Variants in CNTN6 observed in about 807,000 individuals in gnomAD.
CNTN6 encodes the protein contactin 6.
A neutral mutation model predicts 122.8 loss-of-function variants in CNTN6; 137 were observed. That is an observed-to-expected ratio of 1.12 (90% confidence interval 0.97 to 1.29). The LOEUF (loss-of-function observed/expected upper bound fraction) is 1.29, where lower values mean the gene tolerates loss of function less well. Among genes scored for constraint, CNTN6 ranks in the 50% most tolerant of loss-of-function variants. The pLI, the probability that CNTN6 is intolerant of heterozygous loss-of-function variation, is 0.00. For missense variants in CNTN6, 1,634 were observed against 1,223.4 expected, an observed-to-expected ratio of 1.34 and a Z score of -5.01; for synonymous variants, 570 against 426.0, an observed-to-expected ratio of 1.34 and a Z score of -4.16.
intron 20 of CNTN6, among the ~76,000 whole-genome samples, chr3:1,393,762 T>C (rs567159078): frequency 1.3e-5 from 2 of 151,992 alleles, no homozygotes; most frequent in South Asian, 4.1e-4. Flanking sequence ...CAGTTTAAGG[T>C]GGATTGAAAC....
chr3:1,292,810 G>C (rs542659081), intron 5 of CNTN6, among the ~76,000 whole-genome samples: 1 of 152,050 alleles, frequency 6.6e-6, no homozygotes, highest in Non-Finnish European at 1.5e-5. Flanking sequence ...TACAAAGAGA[G>C]TAAAAGCCTT....
At chr3:1,315,620 A>T (rs1699990964) in intron 7 of CNTN6, among the ~76,000 whole-genome samples, 1 of 152,128 alleles carries the variant, frequency 6.6e-6, no homozygotes. Context: ...ATATTATTTT[A>T]AAATATCTAA....
chr3:1,299,169 T>C (rs1403500461), intron 7 of CNTN6, among the ~76,000 whole-genome samples: 1 of 152,152 alleles, frequency 6.6e-6, no homozygotes, highest in Non-Finnish European at 1.5e-5. Flanking sequence ...AAATAAATAA[T>C]TATTGATTGA....
chr3:1,296,655 G>C (rs560847493), intron 6 of CNTN6, among the ~76,000 whole-genome samples: 26 of 152,212 alleles, frequency 1.7e-4, no homozygotes, highest in African/African-American at 5.5e-4. Context: ...TGTGGAACAA[G>C]TCCCATAGAA....
At chr3:1,365,676 ACTT>A (rs1349553222) in intron 12 of CNTN6, among the ~76,000 whole-genome samples, 1 of 152,072 alleles carries the variant, frequency 6.6e-6, no homozygotes, top group Non-Finnish European at 1.5e-5. Flanking sequence ...AAATAAATAA[ACTT>A]ACTTTTAATG....
At chr3:1,386,164 A>AAAGTC (rs1448622118) in intron 20 of CNTN6, among the ~76,000 whole-genome samples, 1 of 152,184 alleles carries the variant, frequency 6.6e-6, no homozygotes, top group Non-Finnish European at 1.5e-5. Flanking sequence ...AAATGAGGAA[A>AAAGTC]AAGTCATATT....
intron 1 of CNTN6, among the ~76,000 whole-genome samples, chr3:1,128,973 T>C (rs1332052993): frequency 3.3e-5 from 5 of 152,052 alleles, no homozygotes; most frequent in Admixed American, 6.6e-5. Context: ...CAACTAGATA[T>C]ATGCCTTCTT....
intron 5 of CNTN6, among the ~76,000 whole-genome samples, chr3:1,281,595 G>A (rs528806618): frequency 6.6e-6 from 1 of 151,898 alleles, no homozygotes; most frequent in African/African-American, 2.4e-5. Flanking sequence ...TTCCCGAGTA[G>A]CTGGAACCAC....
chr3:1,315,573 G>T (rs1699983184), intron 7 of CNTN6, among the ~76,000 whole-genome samples: 1 of 151,974 alleles, frequency 6.6e-6, no homozygotes, highest in Admixed American at 6.6e-5. Flanking sequence ...CTGTCACAAT[G>T]CCTGGTACAT....
chr3:1,401,339 A>G (rs1373480925), intron 20 of CNTN6, 94 bp from the exon 21 acceptor site: 2 of 967,598 alleles, frequency 2.1e-6, no homozygotes, highest in East Asian at 2.6e-5. Flanking sequence ...TATGCAAATC[A>G]TCGAAGACTT....
At chr3:1,364,512 AAAAAC>A (rs953862448) in intron 12 of CNTN6, among the ~76,000 whole-genome samples, 2 of 151,772 alleles carry the variant, frequency 1.3e-5, no homozygotes, top group Non-Finnish European at 3.0e-5. Flanking sequence ...GAAGGAAAAA[AAAAAC>A]AAAACAAACA....
In CNTN6 at chr3:1,101,269, C is replaced by T. The variant is rs887931210; in HGVS notation, c.-83+8149C>T. On this transcript the variant is annotated intron_variant, in intron 1 of 22. Transcript: ENST00000446702. ...GGTCAGCTATGTAATGCAAAGGACC[C>T]CTTTTTGGGAGGTTATTCCAACTTT... 1.8e-4 allele frequency among the ~76,000 whole-genome samples: 27 copies of T among 152,140 alleles called. 1 individual carries two copies. The highest frequency in any genetic ancestry group is 9.7e-5 in the African/African-American group (4 of 41,430).
chr3:1,279,417 C>T (rs889292788), intron 5 of CNTN6, among the ~76,000 whole-genome samples: 6 of 152,226 alleles, frequency 3.9e-5, no homozygotes, highest in Non-Finnish European at 7.3e-5. Context: ...CAAGGACTTA[C>T]ACAGCACAGA....
intron 2 of CNTN6, among the ~76,000 whole-genome samples, chr3:1,179,481 C>G (rs2093515569): frequency 6.6e-6 from 1 of 152,094 alleles, no homozygotes; most frequent in Non-Finnish European, 1.5e-5. Flanking sequence ...CGAATTATGT[C>G]CTTAGGTTTC....
chr3:1,189,587 G>T (rs1374716129), intron 2 of CNTN6, among the ~76,000 whole-genome samples: 2 of 152,056 alleles, frequency 1.3e-5, no homozygotes, highest in Non-Finnish European at 2.9e-5. Context: ...AAATAATTTT[G>T]GACTGTTAGA....
intron 11 of CNTN6, among the ~76,000 whole-genome samples, chr3:1,348,824 C>G (rs547726360): frequency 6.6e-6 from 1 of 151,828 alleles, no homozygotes; most frequent in Non-Finnish European, 1.5e-5. Flanking sequence ...GGGGTGCAAA[C>G]AATACCTAGC....
chr3:1,101,525 GTCATCAAACTC>G (rs2124957684), intron 1 of CNTN6, among the ~76,000 whole-genome samples: 1 of 152,248 alleles, frequency 6.6e-6, no homozygotes, highest in South Asian at 2.1e-4. Flanking sequence ...CATTTAGAAA[GTCATCAAACTC>G]TCACTTGCTG....
chr3:1,200,630 G>A (rs770248518), intron 2 of CNTN6, among the ~76,000 whole-genome samples: 42 of 152,096 alleles, frequency 2.8e-4, no homozygotes, highest in Non-Finnish European at 8.8e-5. Flanking sequence ...ATAAATGCAA[G>A]CATGACATGC....
At chr3:1,244,836 T>C (rs1344097847) in intron 4 of CNTN6, among the ~76,000 whole-genome samples, 2 of 151,186 alleles carry the variant, frequency 1.3e-5, no homozygotes, top group African/African-American at 2.4e-5. Context: ...ACAAAGTACA[T>C]TCTCAAGGGT....
Sources: gnomAD v4.1 joint callset for allele counts (sites outside exome capture counted in the v4.1 genomes callset) on GRCh38, gnomAD v4.1.1 for gene constraint, MANE v1.5 for transcripts, NCBI Gene and HGNC (gene_info 2026-07-23, HGNC 2026-07-21) for gene names.